Variants in PPFIBP1 observed in about 807,000 individuals in gnomAD.
The protein encoded by PPFIBP1 is liprin-beta-1.
PPFIBP1 carries 112 observed loss-of-function variants against 137.8 expected under a neutral mutation model. The observed-to-expected ratio is 0.81, with a 90% CI of 0.70 to 0.95. PPFIBP1 has a LOEUF of 0.95. Ranked by LOEUF, PPFIBP1 falls within the 40% of genes least tolerant of loss-of-function variation. The pLI is 0.00. For missense variants in PPFIBP1, 1,083 were observed against 1,196.6 expected (o/e 0.91, Z 1.40); for synonymous variants, 378 against 417.3 (o/e 0.91, Z 1.15).
chr12:27,568,162 T>A (rs2049842685), intron 1 of PPFIBP1, among the ~76,000 whole-genome samples: 1 of 152,132 alleles, frequency 6.6e-6, no homozygotes, highest in Non-Finnish European at 1.5e-5. Context: ...CCCTTGATGG[T>A]GTTGTGAAGA....
intron 4 of PPFIBP1, among the ~76,000 whole-genome samples, chr12:27,644,561 A>G (rs1323577112): frequency 1.3e-5 from 2 of 152,166 alleles, no homozygotes; most frequent in African/African-American, 4.8e-5. Flanking sequence ...GATTGAGAAC[A>G]TGCGTTATTC....
At chr12:27,664,023 T>TTTTTC (rs1233087290) in intron 11 of PPFIBP1, among the ~76,000 whole-genome samples, 2 of 152,086 alleles carry the variant, frequency 1.3e-5, no homozygotes, top group African/African-American at 4.8e-5. Flanking sequence ...GAAGCTGACT[T>TTTTTC]TTTTCTTTTT....
At chr12:27,547,389 G>A (rs749823545) in intron 1 of PPFIBP1, 3 of 152,236 alleles carry the variant, frequency 2.0e-5, no homozygotes, top group Non-Finnish European at 4.4e-5. Context: ...TTTAAACTGA[G>A]TGGCTGTATG....
At chr12:27,679,680 C>T in intron 20 of PPFIBP1, 41 bp downstream of exon 20, 1 of 1,595,510 alleles carries the variant, frequency 6.3e-7, no homozygotes, top group Non-Finnish European at 8.6e-7. Context: ...CCCTGTCTTA[C>T]ATGTTGCTTA....
chr12:27,531,548 T>A (rs1944432907), intron 1 of PPFIBP1, among the ~76,000 whole-genome samples: 1 of 151,860 alleles, frequency 6.6e-6, no homozygotes, highest in Non-Finnish European at 1.5e-5. Context: ...GATGATCTGC[T>A]GGCCTCAGCC....
At position 27,664,446 on chromosome 12, in the gene PPFIBP1, G is replaced by C. The variant is rs1191076922; in HGVS notation, c.991G>C (p.Gly331Arg). ...GGTGGTACTGGCCCAAGGTAAAAAA[G>C]GTAGAGTGTAGCTCTAAAAGTTTTT... is the stretch of plus-strand genomic sequence containing the variant. ...DTVVLAQGKK[G>R]KDGEYEELLN... Residue 331 changes from glycine to arginine, a missense_variant and splice_region_variant, in exon 12 of 30, where the codon GGC becomes CGC. Coordinates refer to ENST00000228425, the MANE Select transcript of PPFIBP1 (RefSeq NM_003622.4). 2 of 1,604,940 alleles carry C rather than the reference G, an allele frequency of 1.2e-6. No individual in the cohort carries two copies. The highest frequency in any genetic ancestry group is 1.7e-5 in the Admixed American group (1 of 59,372).
At chr12:27,683,854 C>A (rs2061032559) in intron 24 of PPFIBP1, among the ~76,000 whole-genome samples, 1 of 151,982 alleles carries the variant, frequency 6.6e-6, no homozygotes, top group African/African-American at 2.4e-5. Context: ...GTGGTGCGAT[C>A]TCGGCTCACT....
chr12:27,525,801 G>A lies in PPFIBP1; in HGVS notation c.-124+1436G>A, dbSNP rs541547890. The stretch of plus-strand genomic sequence containing the variant: ...GGGTTCTCTATCTTTCTAGCCAAAT[G>A]ATCATTAGGTTTCAGAACTAGAAAG... On this transcript the variant is annotated intron_variant, in intron 1 of 29. Coordinates refer to ENST00000228425, the MANE Select transcript of PPFIBP1 (RefSeq NM_003622.4). 9.3e-4 allele frequency among the ~76,000 whole-genome samples: 142 copies of A among 152,306 alleles called. 1 individual carries two copies. The highest frequency in any genetic ancestry group is 3.3e-3 in the African/African-American group (138 of 41,558).
chr12:27,601,987 C>T (rs10842950), intron 2 of PPFIBP1, among the ~76,000 whole-genome samples: 14,319 of 152,260 alleles, frequency 0.094, 780 homozygotes, highest in African/African-American at 0.14. Flanking sequence ...TGGTTAGTGA[C>T]CACCTGAACT....
At chr12:27,614,762 G>A (rs115524442) in intron 2 of PPFIBP1, among the ~76,000 whole-genome samples, 2,727 of 152,304 alleles carry the variant, frequency 0.018, 87 homozygotes, top group African/African-American at 0.062. Context: ...AATAAGCTAT[G>A]ACAGGTTTTA....
chr12:27,556,407 A>C (rs1231110168), intron 1 of PPFIBP1, among the ~76,000 whole-genome samples: 1 of 152,228 alleles, frequency 6.6e-6, no homozygotes, highest in Non-Finnish European at 1.5e-5. Context: ...CGTCACACCA[A>C]ACAGGAGCTA....
At position 27,618,887 on chromosome 12, in the gene PPFIBP1, C is replaced by T. The variant is rs527656926; in HGVS notation, c.-35-14475C>T. On this transcript the variant is annotated intron_variant, in intron 2 of 29. Coordinates refer to ENST00000228425, the MANE Select transcript of PPFIBP1 (RefSeq NM_003622.4). The stretch of plus-strand genomic sequence containing the variant: ...GTGGGTCTTTAGTCCTTAAAAAGCT[C>T]GATCTAGTAGAGACAACATTCCAAG... 5.9e-5 allele frequency among the ~76,000 whole-genome samples: 9 copies of T among 152,240 alleles called. No homozygotes were observed. In the South Asian group the frequency reaches 6.2e-4, roughly 11 times the overall value.
chr12:27,663,002 G>C (rs2059643282), intron 11 of PPFIBP1, among the ~76,000 whole-genome samples: 1 of 152,174 alleles, frequency 6.6e-6, no homozygotes, highest in African/African-American at 2.4e-5. Flanking sequence ...GATGTCTACA[G>C]TCAGCTGGTG....
Position 27,682,606 on chromosome 12 carries a change from C to T in PPFIBP1, c.2159-9C>T. 2 of 1,614,110 alleles carry T rather than the reference C, an allele frequency of 1.2e-6. No individual in the cohort carries two copies. Among genetic ancestry groups the T allele is most frequent in the Non-Finnish European group, 1.7e-6 (2 of 1,179,992 alleles). ...TGGCATGGTAGCAACACTGGCCTCT[C>T]TCTTTTAGGATGGTTGGATGACATT... is the stretch of plus-strand genomic sequence containing the variant. On this transcript the variant is annotated splice_polypyrimidine_tract_variant and intron_variant, in intron 23 of 29. Transcript: ENST00000228425.
intron 15 of PPFIBP1, among the ~76,000 whole-genome samples, chr12:27,672,804 T>A (rs1256544488): frequency 1.3e-5 from 2 of 152,156 alleles, no homozygotes; most frequent in Admixed American, 1.3e-4. Context: ...ATATTTTGAG[T>A]CCAGTGGGAA....
At position 27,687,405 on chromosome 12, in the gene PPFIBP1, G is replaced by A; in HGVS notation, c.2268G>A (p.Lys756=). 1 of 1,613,932 alleles carries A rather than the reference G, an allele frequency of 6.2e-7. No individual in the cohort carries two copies. The highest frequency in any genetic ancestry group is 1.3e-5 in the African/African-American group (1 of 75,048). The change falls in exon 25 of 30, where the codon AAG becomes AAA. Residue 756 remains lysine (K), a synonymous_variant. Transcript: ENST00000228425. ...TGCAGGATGACTTACTGTCTCTGAAGGTTGTAAGTGTGCTACACCATCTCA... is the reference window on the plus strand; with the variant it reads ...TGCAGGATGACTTACTGTCTCTGAAAGTTGTAAGTGTGCTACACCATCTCA... ...YMTVDDLLSL[K]VVSVLHHLSI... is the part of the protein sequence containing the mutation.
chr12:27,648,429 G>T (rs1322106604), intron 6 of PPFIBP1, among the ~76,000 whole-genome samples: 2 of 152,188 alleles, frequency 1.3e-5, no homozygotes, highest in Admixed American at 1.3e-4. Context: ...CTGCTATGGA[G>T]AACAGTTTGG....
intron 4 of PPFIBP1, among the ~76,000 whole-genome samples, chr12:27,640,311 T>C (rs2058023168): frequency 6.6e-6 from 1 of 152,156 alleles, no homozygotes; most frequent in Non-Finnish European, 1.5e-5. Flanking sequence ...CAATAGGGAC[T>C]TTTTCTTGGT....
intron 24 of PPFIBP1, among the ~76,000 whole-genome samples, chr12:27,684,698 A>G (rs2061092643): frequency 6.6e-6 from 1 of 151,884 alleles, no homozygotes; most frequent in Non-Finnish European, 1.5e-5. Flanking sequence ...TTTTGCTCAT[A>G]TTAATACTGG....
Sources: gnomAD v4.1 joint callset for allele counts (sites outside exome capture counted in the v4.1 genomes callset) on GRCh38, gnomAD v4.1.1 for gene constraint, MANE v1.5 for transcripts, NCBI Gene and HGNC (gene_info 2026-07-23, HGNC 2026-07-21) for gene names.